The following INSC variants were observed in gnomAD, a reference collection of about 807,000 sequenced individuals.
INSC encodes the protein INSC spindle orientation adaptor protein, also known as protein inscuteable homolog.
A neutral mutation model predicts 58.6 loss-of-function variants in INSC; 67 were observed. The ratio of observed to expected loss-of-function variants is 1.14; its 90% confidence interval spans 0.94 to 1.40. The LOEUF is 1.40. Among genes scored for constraint, INSC ranks in the 40% most tolerant of loss-of-function variants. INSC has a pLI of 0.00. For missense variants in INSC, 714 were observed against 692.0 expected, an observed-to-expected ratio of 1.03 and a Z score of -0.36; for synonymous variants, 262 against 276.1, an observed-to-expected ratio of 0.95 and a Z score of 0.51.
rs1173482871 is a variant in INSC at position 15,239,003 on chromosome 11, A to G, written c.1322A>G (p.Gln441Arg). The G allele has an allele frequency of 1.9e-6, 3 of 1,614,232 alleles. No individual in the cohort carries two copies. Among genetic ancestry groups the G allele is most frequent in the South Asian group, 1.1e-5 (1 of 91,092 alleles). ...AEVAACERVQ[Q>R]KAAVTLARLS... is the part of the protein sequence containing the mutation. ...GTGGCAGCCTGTGAGCGAGTCCAGC[A>G]GAAAGCTGCAGTGACCCTGGCTCGT... Residue 441 changes from glutamine to arginine, a missense_variant, in exon 11 of 13, where the codon CAG (glutamine) becomes CGG (arginine). Transcript: ENST00000379556.
intron 1 of INSC, among the ~76,000 whole-genome samples, chr11:15,138,432 A>G (rs540923575): frequency 9.6e-4 from 146 of 152,312 alleles, no homozygotes; most frequent in African/African-American, 3.3e-3. Context: ...AAGTGCCCCA[A>G]CTCCCAACAC....
At chr11:15,153,305 T>C (rs1848709208) in intron 2 of INSC, among the ~76,000 whole-genome samples, 1 of 152,224 alleles carries the variant, frequency 6.6e-6, no homozygotes, top group African/African-American at 2.4e-5. Context: ...GAGTATGAGA[T>C]GAGCCTGGAC....
chr11:15,127,056 G>A (rs1164700227), intron 1 of INSC, among the ~76,000 whole-genome samples: 2 of 152,230 alleles, frequency 1.3e-5, no homozygotes, highest in African/African-American at 4.8e-5. Context: ...AGGAGAGGGA[G>A]GTTTTGGTGT....
At chr11:15,170,832 A>G (rs1029033154) in intron 2 of INSC, among the ~76,000 whole-genome samples, 10 of 152,188 alleles carry the variant, frequency 6.6e-5, no homozygotes, top group African/African-American at 2.4e-4. Context: ...ACAGGCATCC[A>G]GATAATATAG....
chr11:15,135,638 C>A (rs958546072), intron 1 of INSC, among the ~76,000 whole-genome samples: 1 of 152,192 alleles, frequency 6.6e-6, no homozygotes, highest in Non-Finnish European at 1.5e-5. Context: ...ACTTTGGTCA[C>A]ATAGGATGTG....
At chr11:15,173,079 A>G (rs1460446657) in intron 2 of INSC, among the ~76,000 whole-genome samples, 17 of 152,338 alleles carry the variant, frequency 1.1e-4, no homozygotes, top group Admixed American at 9.8e-4. Context: ...TGAATGTTGC[A>G]TTGTTTATAG....
chr11:15,125,001 T>A (rs2133693237), intron 1 of INSC, among the ~76,000 whole-genome samples: 1 of 152,206 alleles, frequency 6.6e-6, no homozygotes, highest in African/African-American at 2.4e-5. Context: ...GGATTTGGTT[T>A]GGGAAGATGG....
intron 6 of INSC, among the ~76,000 whole-genome samples, chr11:15,198,608 AAAT>A (rs1199093249): frequency 6.6e-6 from 1 of 152,144 alleles, no homozygotes; most frequent in African/African-American, 2.4e-5. Flanking sequence ...ATATATAGAG[AAAT>A]AATATTTATA....
At chr11:15,139,589 C>T (rs1425127716) in intron 1 of INSC, among the ~76,000 whole-genome samples, 1 of 152,248 alleles carries the variant, frequency 6.6e-6, no homozygotes, top group Non-Finnish European at 1.5e-5. Context: ...TAGATCAACA[C>T]CTACTGTGTG....
intron 7 of INSC, among the ~76,000 whole-genome samples, chr11:15,210,694 A>C (rs994827169): frequency 1.3e-5 from 2 of 152,148 alleles, no homozygotes; most frequent in Non-Finnish European, 2.9e-5. Context: ...CCGTGCTCAC[A>C]GGGAAGCAAA....
At chr11:15,163,678 C>T (rs1849094206) in intron 2 of INSC, among the ~76,000 whole-genome samples, 1 of 152,202 alleles carries the variant, frequency 6.6e-6, no homozygotes, top group Non-Finnish European at 1.5e-5. Context: ...ACTGCAACCT[C>T]CGCTTCCTGG....
At chr11:15,262,991 G>C in the INSC span, among the ~76,000 whole-genome samples, 1 of 152,132 alleles carries the variant, frequency 6.6e-6, no homozygotes, top group African/African-American at 2.4e-5. Context: ...CACAATATTT[G>C]CAAAGGGCAA....
chr11:15,221,822 G>A (rs1851453707), intron 8 of INSC, among the ~76,000 whole-genome samples, 174 bp downstream of exon 8: 1 of 152,124 alleles, frequency 6.6e-6, no homozygotes, highest in African/African-American at 2.4e-5. Context: ...AGGCTTTGAT[G>A]AGCTCTATTA....
intron 5 of INSC, among the ~76,000 whole-genome samples, chr11:15,185,572 T>C (rs1244300478): frequency 6.6e-6 from 1 of 152,062 alleles, no homozygotes; most frequent in African/African-American, 2.4e-5. Context: ...ACATTTCAAA[T>C]TTCAATGATA....
At chr11:15,194,584 G>A (rs774343978) in intron 6 of INSC, among the ~76,000 whole-genome samples, 4 of 152,204 alleles carry the variant, frequency 2.6e-5, no homozygotes, top group African/African-American at 4.8e-5. Context: ...TGAATTTTAT[G>A]TAATAGCAAT....
At chr11:15,126,978 T>C (rs1181702520) in intron 1 of INSC, among the ~76,000 whole-genome samples, 1 of 152,200 alleles carries the variant, frequency 6.6e-6, no homozygotes, top group Non-Finnish European at 1.5e-5. Context: ...ATCTCAGCTA[T>C]GTCCTTGGTG....
Position 15,152,166 on chromosome 11 carries a change from T to C in INSC, c.56+2936T>C, listed in dbSNP as rs1002806660. ...GTGGGGTTTAGAGTTCAGAGTGGTT[T>C]TTAGTGACCATCTTTAGGATCAATG... On this transcript the variant is annotated intron_variant, in intron 2 of 12. Coordinates refer to ENST00000379556, the MANE Select transcript of INSC (RefSeq NM_001042536.3). 2.0e-5 allele frequency among the ~76,000 whole-genome samples: 3 copies of C among 152,160 alleles called. No homozygotes were observed. In the South Asian group the frequency reaches 6.2e-4, roughly 32 times the overall value.
intron 9 of INSC, among the ~76,000 whole-genome samples, chr11:15,232,666 ATTGAG>A (rs768473963): frequency 1.3e-5 from 2 of 152,144 alleles, no homozygotes; most frequent in African/African-American, 2.4e-5. Flanking sequence ...TCTAGATGCG[ATTGAG>A]TTAAGATCTT....
intron 7 of INSC, among the ~76,000 whole-genome samples, chr11:15,214,780 ACACT>A (rs1017889503): frequency 3.3e-5 from 5 of 152,302 alleles, no homozygotes; most frequent in African/African-American, 1.2e-4. Context: ...GAATAGGTTA[ACACT>A]GTTATTTTGG....
Sources: allele counts gnomAD v4.1 joint callset (sites outside exome capture counted in the v4.1 genomes callset), GRCh38; gene constraint gnomAD v4.1.1; transcripts MANE v1.5; gene names NCBI Gene and HGNC (gene_info 2026-07-23, HGNC 2026-07-21).